ZDBF2: variants seen among roughly 807,000 people sequenced by gnomAD.
ZDBF2 encodes the protein DBF4-type zinc finger-containing protein 2.
ZDBF2 carries 6 observed loss-of-function variants against 9.4 expected under a neutral mutation model. The observed-to-expected ratio is 0.64, with a 90% CI of 0.35 to 1.27. The LOEUF is 1.27. Ranked by LOEUF, ZDBF2 falls within the 50% of genes most tolerant of loss-of-function variation. ZDBF2 has a pLI of 0.03. For missense variants in ZDBF2, 2,697 were observed against 2,766.8 expected, an observed-to-expected ratio of 0.97 and a Z score of 0.57; for synonymous variants, 905 against 946.3, an observed-to-expected ratio of 0.96 and a Z score of 0.80.
At position 206,279,957 on chromosome 2, in the gene ZDBF2, AC is replaced by A. The variant is rs145936010; in HGVS notation, c.-50+367del. On this transcript the variant is annotated intron_variant, in intron 2 of 4. Coordinates refer to ENST00000374423, the MANE Select transcript of ZDBF2 (RefSeq NM_020923.3). ...GTAGCTGGGACTATAGGCATCTGCC[AC>A]CACACCCAGCTAGTTTTTGTATTTT... 4.5e-3 allele frequency among the ~76,000 whole-genome samples: 683 copies of A among 152,264 alleles called. 1 individual carries two copies. Among genetic ancestry groups the A allele is most frequent in the African/African-American group, 0.015 (635 of 41,542 alleles).
At chr2:206,285,509 T>G (rs1416318545) in intron 3 of ZDBF2, among the ~76,000 whole-genome samples, 1 of 152,190 alleles carries the variant, frequency 6.6e-6, no homozygotes. Flanking sequence ...TTTGTTGTCA[T>G]TGAGTTGTTT....
At chr2:206,277,017 T>G (rs183999455) in intron 1 of ZDBF2, among the ~76,000 whole-genome samples, 1 of 152,318 alleles carries the variant, frequency 6.6e-6, no homozygotes, top group East Asian at 1.9e-4. Context: ...TCCTCAATTG[T>G]TTCCCTACTG....
intron 3 of ZDBF2, among the ~76,000 whole-genome samples, chr2:206,293,799 A>G (rs1692024420): frequency 6.6e-6 from 1 of 152,224 alleles, no homozygotes; most frequent in African/African-American, 2.4e-5. Context: ...GGTAGGGAAT[A>G]TAAATTTGTA....
chr2:206,311,521 A>G lies in ZDBF2; in HGVS notation c.6993A>G (p.Ser2331=). 6.4e-7 allele frequency: 1 copy of G among 1,571,926 alleles called. No homozygotes were observed. Among genetic ancestry groups the G allele is most frequent in the Non-Finnish European group, 8.6e-7 (1 of 1,163,480 alleles). The stretch of plus-strand genomic sequence containing the variant: ...TGAGAGCATATGATCTGAGAAGCTC[A>G]TCTTGTTTACAACAACGTGAGAGAA... ...TPVRAYDLRS[S]SCLQQRERMM... is the part of the protein sequence containing the mutation. Residue 2331 remains serine, a synonymous_variant, in exon 5 of 5, where the codon TCA becomes TCG. Coordinates refer to ENST00000374423, the MANE Select transcript of ZDBF2 (RefSeq NM_020923.3).
intron 4 of ZDBF2, among the ~76,000 whole-genome samples, chr2:206,302,177 T>G (rs1287012821): frequency 1.3e-5 from 2 of 152,010 alleles, no homozygotes; most frequent in Non-Finnish European, 2.9e-5. Flanking sequence ...CCTGGCTTAT[T>G]TTTTAAATTT....
In ZDBF2 at chr2:206,275,233, C is replaced by T. The variant is rs992705965; in HGVS notation, c.-103+287C>T. Among the ~76,000 whole-genome samples, 247 of 152,120 alleles carry T rather than the reference C, an allele frequency of 1.6e-3. 4 individuals carry two copies. The highest frequency in any genetic ancestry group is 0.011 in the East Asian group (55 of 5,148). On this transcript the variant is annotated intron_variant, in intron 1 of 4. Transcript: ENST00000374423. Reference sequence around the variant, plus strand: ...GTCCGGGGCCCTGGGTCAGAGGGGCCGGCGGACGAGGCCTCGGGTCCGGGC... The same window carrying T: ...GTCCGGGGCCCTGGGTCAGAGGGGCTGGCGGACGAGGCCTCGGGTCCGGGC...
chr2:206,279,439 G>A (rs1691197354), intron 1 of ZDBF2, 101 bp from the exon 2 acceptor site: 1 of 152,076 alleles, frequency 6.6e-6, no homozygotes, highest in African/African-American at 2.4e-5. Flanking sequence ...TATATTATTG[G>A]AAACATGTCA....
In ZDBF2 at chr2:206,311,230, A is replaced by T. The variant is rs1276882814; in HGVS notation, c.6702A>T (p.Leu2234Phe). Residue 2234 changes from leucine (L) to phenylalanine (F), a missense_variant, in exon 5 of 5, where the codon TTA becomes TTT. Around this residue, in one of 3 missense-constraint regions of ZDBF2, gnomAD observed 1,783 missense variants for 1,776.5 expected, o/e 1.00. Coordinates refer to ENST00000374423, the MANE Select transcript of ZDBF2 (RefSeq NM_020923.3). ...ATATTTCGAAATACTCTGTCTTTTTACGTCATAGATATCAGTCCAGGAGCG... is the reference window on the plus strand; with the variant it reads ...ATATTTCGAAATACTCTGTCTTTTTTCGTCATAGATATCAGTCCAGGAGCG... Reference protein sequence around the residue: ...RKYISKYSVFLRHRYQSRSAF... With the variant: ...RKYISKYSVFFRHRYQSRSAF... 13 of 1,611,746 alleles carry T rather than the reference A, an allele frequency of 8.1e-6. No homozygotes were observed. The highest frequency in any genetic ancestry group is 1.1e-5 in the Non-Finnish European group (13 of 1,179,040).
chr2:206,309,557 A>C lies in ZDBF2; in HGVS notation c.5029A>C (p.Thr1677Pro), dbSNP rs1334919716. Residue 1677 changes from threonine to proline, a missense_variant, in exon 5 of 5, where the codon ACT (threonine) becomes CCT (proline). Thr to Pro is a conservative substitution (Grantham distance 38, BLOSUM62 -1). Around this residue, in one of 3 missense-constraint regions of ZDBF2, gnomAD observed 1,783 missense variants for 1,776.5 expected, o/e 1.00. Transcript: ENST00000374423. ...TTTGGAAGACACTTCTCATCGAACG[A>C]CTCACCGACTGCAGAAAGCTCACAA... ...FNLEDTSHRT[T>P]HRLQKAHKEA... 10 of 1,613,812 alleles carry C rather than the reference A, an allele frequency of 6.2e-6. No individual in the cohort carries two copies. The highest frequency in any genetic ancestry group is 1.3e-5 in the African/African-American group (1 of 74,908).
intron 1 of ZDBF2, among the ~76,000 whole-genome samples, chr2:206,277,708 C>T (rs556077565): frequency 1.3e-3 from 160 of 126,750 alleles, no homozygotes; most frequent in South Asian, 2.1e-3. Context: ...AGACATGTCT[C>T]GAAACTCTAG....
At chr2:206,278,663 G>A (rs1411816003) in intron 1 of ZDBF2, among the ~76,000 whole-genome samples, 1 of 151,742 alleles carries the variant, frequency 6.6e-6, no homozygotes, top group African/African-American at 2.4e-5. Flanking sequence ...TCTTACTTTC[G>A]TACCTTTGCT....
rs538180629 is a variant in ZDBF2, at chr2:206,312,123, A to G, written c.*530A>G. ...AAAACTGGTGATTTTTTTTATGCAT[A>G]GCACAAACTCCTCCTGCTTCATTTA... is the stretch of plus-strand genomic sequence containing the variant. On this transcript the variant is annotated 3_prime_UTR_variant, in exon 5 of 5. Transcript: ENST00000374423. The G allele has an allele frequency of 2.0e-5, 3 of 152,316 alleles. No homozygotes were observed. The highest frequency in any genetic ancestry group is 3.9e-4 in the East Asian group (2 of 5,192). The allele number at this position is 152,316 out of a possible 1,614,324, so 9.4% of individuals were successfully genotyped here.
At position 206,304,751 on chromosome 2, in the gene ZDBF2, T is replaced by C. The variant is rs768891774; in HGVS notation, c.223T>C (p.Ser75Pro). Residue 75 changes from serine to proline, a missense_variant, in exon 5 of 5, where the codon TCA becomes CCA. Physicochemically the swap from Ser to Pro is moderately conservative, Grantham distance 74. Around this residue, in one of 3 missense-constraint regions of ZDBF2, gnomAD observed 910 missense variants for 973.6 expected, o/e 0.93. Transcript: ENST00000374423. ...TQDETHVNTG[S>P]SSEVVHLDDA... ...AGATGAGACACATGTGAATACTGGG[T>C]CATCGTCTGAAGTGGTGCATTTGGA... is the stretch of plus-strand genomic sequence containing the variant. 1 of 1,612,918 alleles carries C rather than the reference T, an allele frequency of 6.2e-7. No individual in the cohort carries two copies. The highest frequency in any genetic ancestry group is 1.7e-5 in the Admixed American group (1 of 59,900).
In ZDBF2 at chr2:206,304,876, G is replaced by A. The variant is rs759992433; in HGVS notation, c.348G>A (p.Glu116=). ...RPSEVSEPIE[E]LHSRPHKSQE... The stretch of plus-strand genomic sequence containing the variant: ...CCGAGGTTTCAGAACCTATTGAAGA[G>A]TTACATTCCAGACCTCATAAATCTC... The change falls in exon 5 of 5, where the codon GAG becomes GAA. Residue 116 remains glutamate, a synonymous_variant. Transcript: ENST00000374423. 6.2e-7 allele frequency: 1 copy of A among 1,613,734 alleles called. No individual in the cohort carries two copies. Among genetic ancestry groups the A allele is most frequent in the East Asian group, 2.2e-5 (1 of 44,880 alleles).
intron 2 of ZDBF2, among the ~76,000 whole-genome samples, chr2:206,280,649 T>A (rs1691266385): frequency 1.3e-5 from 2 of 152,226 alleles, no homozygotes; most frequent in Non-Finnish European, 2.9e-5. Flanking sequence ...TGATTAATTT[T>A]CCTCATAAAT....
Position 206,309,959 on chromosome 2 carries a change from A to G in ZDBF2, c.5431A>G (p.Asn1811Asp), listed in dbSNP as rs1443339060. The stretch of plus-strand genomic sequence containing the variant: ...AAAAGCAAAGGATGTCATAGAGGAT[A>G]ATCCTGATGAACCAGTTCTTGAAGC... ...LKKAKDVIED[N>D]PDEPVLEALP... The change falls in exon 5 of 5, where the codon AAT (asparagine) becomes GAT (aspartate). Residue 1811 changes from asparagine (N) to aspartate (D), a missense_variant. Transcript: ENST00000374423. 7 of 1,613,458 alleles carry G rather than the reference A, an allele frequency of 4.3e-6. No individual in the cohort carries two copies. Among genetic ancestry groups the G allele is most frequent in the Non-Finnish European group, 2.5e-6 (3 of 1,179,788 alleles).
chr2:206,308,719 C>T lies in ZDBF2; in HGVS notation c.4191C>T (p.Tyr1397=), dbSNP rs1357347515. Residue 1397 remains tyrosine (Y), a synonymous_variant, in exon 5 of 5, where the codon TAC becomes TAT. Coordinates refer to ENST00000374423, the MANE Select transcript of ZDBF2 (RefSeq NM_020923.3). The part of the protein sequence containing the change: ...EINLWKEDHI[Y]LEDKSYKLGD... ...ATCTTTGGAAGGAAGACCATATTTA[C>T]CTGGAAGATAAGAGCTATAAATTAG... 6.2e-7 allele frequency: 1 copy of T among 1,612,874 alleles called. No individual in the cohort carries two copies. Among genetic ancestry groups the T allele is most frequent in the Non-Finnish European group, 8.5e-7 (1 of 1,179,738 alleles).
At position 206,306,595 on chromosome 2, in the gene ZDBF2, A is replaced by G. The variant is rs1407537411; in HGVS notation, c.2067A>G (p.Lys689=). The part of the protein sequence containing the change: ...QSQVAEIERQ[K]VDVDLENKSV... ...AAGTAGCCGAAATAGAGCGTCAGAA[A>G]GTGGATGTTGACCTTGAGAATAAGA... The change falls in exon 5 of 5, where the codon AAA becomes AAG. Residue 689 remains lysine (K), a synonymous_variant. Coordinates refer to ENST00000374423, the MANE Select transcript of ZDBF2 (RefSeq NM_020923.3). The G allele has an allele frequency of 6.2e-7, 1 of 1,613,708 alleles. No homozygotes were observed. Among genetic ancestry groups the G allele is most frequent in the Middle Eastern group, 1.7e-4 (1 of 6,060 alleles).
At chr2:206,284,606 C>G (rs1691504105) in intron 3 of ZDBF2, among the ~76,000 whole-genome samples, 2 of 152,308 alleles carry the variant, frequency 1.3e-5, no homozygotes, top group South Asian at 2.1e-4. Context: ...TTTCTCTTCC[C>G]TGACTTCTTC....
Sources: gnomAD v4.1 joint callset for allele counts (sites outside exome capture counted in the v4.1 genomes callset) on GRCh38, gnomAD v4.1.1 for gene constraint, gnomAD v4.1.1 regional missense constraint, MANE v1.5 for transcripts, NCBI Gene and HGNC (gene_info 2026-07-23, HGNC 2026-07-21) for gene names.